Variants in MGA observed in about 807,000 individuals in gnomAD.
MGA encodes the protein MAX gene-associated protein.
MGA carries 40 observed loss-of-function variants against 261.1 expected under a neutral mutation model. The observed-to-expected ratio is 0.15, with a 90% confidence interval of 0.12 to 0.20. MGA has a LOEUF of 0.20. Ranked by LOEUF, MGA falls within the 10% of genes least tolerant of loss-of-function variation. The probability of loss-of-function intolerance (pLI) is 1.00; values close to 1 mark genes in which losing one functional copy is unlikely to be tolerated. For missense variants in MGA, 3,397 were observed against 3,630.5 expected (o/e 0.94, Z 1.65); for synonymous variants, 1,302 against 1,290.6 (o/e 1.01, Z -0.19).
intron 15 of MGA, among the ~76,000 whole-genome samples, chr15:41,748,253 T>TAA (rs67071175): frequency 6.8e-6 from 1 of 147,326 alleles, no homozygotes. Flanking sequence ...CCTGCCTCTT[T>TAA]AAAAAAAAAA....
At chr15:41,649,379 CA>C (rs35806439) in intron 1 of MGA, among the ~76,000 whole-genome samples, 78,849 of 135,940 alleles carry the variant, frequency 0.58, 22,199 homozygotes, top group East Asian at 0.94. Flanking sequence ...GAGACTGTCT[CA>C]AAAAAAAAAA....
chr15:41,702,888 A>G (rs889731124), intron 5 of MGA, among the ~76,000 whole-genome samples: 84 of 152,202 alleles, frequency 5.5e-4, no homozygotes, highest in African/African-American at 2.0e-3. Flanking sequence ...ATGTTTTGGA[A>G]GAGTTTTAGA....
chr15:41,740,055 A>G lies in MGA; in HGVS notation c.4437A>G (p.Val1479=). Reference sequence around the variant, plus strand: ...CCCTCAGTACTGTCATCTCCAAGGTAGCATCCAATGCCAAGGTGGCTGCAT... The same window carrying G: ...CCCTCAGTACTGTCATCTCCAAGGTGGCATCCAATGCCAAGGTGGCTGCAT... Residue 1479 remains valine (V), a splice_region_variant and synonymous_variant, in exon 14 of 24, where the codon GTA becomes GTG. Transcript: ENST00000219905. 6.2e-7 allele frequency: 1 copy of G among 1,614,006 alleles called. No homozygotes were observed. The highest frequency in any genetic ancestry group is 8.5e-7 in the Non-Finnish European group (1 of 1,179,884).
At chr15:41,686,507 A>G (rs1299897740) in intron 2 of MGA, among the ~76,000 whole-genome samples, 2 of 152,168 alleles carry the variant, frequency 1.3e-5, no homozygotes, top group African/African-American at 4.8e-5. Context: ...CTGCATGGGC[A>G]ACAGAGTGAG....
At chr15:41,722,376 G>A (rs2060995818) in intron 9 of MGA, among the ~76,000 whole-genome samples, 2 of 152,060 alleles carry the variant, frequency 1.3e-5, no homozygotes, top group South Asian at 2.1e-4. Flanking sequence ...TGATCCGCCT[G>A]CCTCGGCCTC....
rs551395026 is a variant in MGA at position 41,744,926 on chromosome 15, T to C, written c.5212+1754T>C. On this transcript the variant is annotated intron_variant, in intron 15 of 23. Transcript: ENST00000219905. ...CGGAGTCTCGCTCTGTTGCCCAGGC[T>C]GGAGTGCAGTGGCACCATCTCAGCT... 1.1e-4 allele frequency among the ~76,000 whole-genome samples: 17 copies of C among 152,340 alleles called. No homozygotes were observed. In the South Asian group the frequency reaches 3.5e-3, roughly 32 times the overall value.
intron 2 of MGA, among the ~76,000 whole-genome samples, chr15:41,682,337 A>G (rs956130393): frequency 4.6e-5 from 7 of 152,120 alleles, no homozygotes; most frequent in African/African-American, 1.7e-4. Flanking sequence ...CCTCCTCTGC[A>G]TACTTCTTCG....
chr15:41,685,962 GCCACTGCACT>G (rs957393213), intron 2 of MGA, among the ~76,000 whole-genome samples: 3 of 149,684 alleles, frequency 2.0e-5, no homozygotes, highest in Non-Finnish European at 4.4e-5. Flanking sequence ...CCGAGATCGT[GCCACTGCACT>G]CCAGCCTGGG....
chr15:41,740,307 CATT>C, intron 14 of MGA, 104 bp downstream of exon 14: 1 of 1,242,650 alleles, frequency 8.0e-7, no homozygotes, highest in South Asian at 1.5e-5. Flanking sequence ...TGTACTTTGG[CATT>C]ATTCTTATTC....
At chr15:41,676,112 T>A (rs1307570821) in intron 2 of MGA, among the ~76,000 whole-genome samples, 1 of 152,246 alleles carries the variant, frequency 6.6e-6, no homozygotes, top group African/African-American at 2.4e-5. Flanking sequence ...GCACATATAT[T>A]TTTCTCACAA....
intron 11 of MGA, among the ~76,000 whole-genome samples, chr15:41,733,082 C>A (rs987287529): frequency 6.6e-6 from 1 of 152,124 alleles, no homozygotes; most frequent in Admixed American, 6.6e-5. Context: ...TCTCAGTCTC[C>A]CGAGTAGCTG....
At chr15:41,656,113 ATACAGG>A (rs956857727), upstream of MGA, among the ~76,000 whole-genome samples, 1 of 152,196 alleles carries the variant, frequency 6.6e-6, no homozygotes, top group African/African-American at 2.4e-5. Context: ...CCATAAAGAA[ATACAGG>A]GTACTATGAG....
chr15:41,638,770 A>G (rs190371410), intron 1 of MGA, among the ~76,000 whole-genome samples: 5 of 146,638 alleles, frequency 3.4e-5, no homozygotes, highest in Non-Finnish European at 7.4e-5. Flanking sequence ...GGCTCACTGC[A>G]ACCTCTGCCT....
chr15:41,752,642 C>T (rs1019792243), intron 17 of MGA, among the ~76,000 whole-genome samples: 2 of 149,270 alleles, frequency 1.3e-5, no homozygotes, highest in African/African-American at 4.9e-5. Flanking sequence ...GCATCCTCTG[C>T]CTTCTCGGTT....
At chr15:41,764,017 G>T (rs1228618944) in intron 22 of MGA, among the ~76,000 whole-genome samples, 1 of 151,700 alleles carries the variant, frequency 6.6e-6, no homozygotes, top group Non-Finnish European at 1.5e-5. Flanking sequence ...AAATTAGCCG[G>T]ATGTGGTGGT....
intron 2 of MGA, among the ~76,000 whole-genome samples, chr15:41,671,269 T>C (rs959056253): frequency 4.6e-5 from 7 of 152,192 alleles, no homozygotes; most frequent in African/African-American, 1.7e-4. Flanking sequence ...AAAACTTGAA[T>C]TTGACTATTG....
intron 1 of MGA, among the ~76,000 whole-genome samples, chr15:41,647,542 C>T (rs1018607482): frequency 3.9e-5 from 6 of 152,188 alleles, no homozygotes; most frequent in Non-Finnish European, 5.9e-5. Flanking sequence ...CATTCTCCCT[C>T]CTTAGCTTCT....
At chr15:41,739,585 G>A (rs895884389) in intron 13 of MGA, among the ~76,000 whole-genome samples, 5 of 152,066 alleles carry the variant, frequency 3.3e-5, no homozygotes, top group Non-Finnish European at 7.4e-5. Flanking sequence ...TTATTTACAA[G>A]GAAAACAATT....
At chr15:41,704,014 T>C (rs1390122210) in intron 5 of MGA, among the ~76,000 whole-genome samples, 1 of 152,108 alleles carries the variant, frequency 6.6e-6, no homozygotes, top group Non-Finnish European at 1.5e-5. Flanking sequence ...GGTTTTGCCA[T>C]GTTGCCCAGC....
Sources: allele counts gnomAD v4.1 joint callset (sites outside exome capture counted in the v4.1 genomes callset), GRCh38; gene constraint gnomAD v4.1.1; transcripts MANE v1.5; gene names NCBI Gene and HGNC (gene_info 2026-07-23, HGNC 2026-07-21).